CPXM2: variants seen among roughly 807,000 people sequenced by gnomAD.
The protein encoded by CPXM2 is carboxypeptidase X, M14 family member 2, also known as inactive carboxypeptidase-like protein X2.
CPXM2 carries 66 observed loss-of-function variants against 86.1 expected under a neutral mutation model. The observed-to-expected ratio is 0.77, with a 90% CI of 0.63 to 0.94. CPXM2 has a LOEUF of 0.94. CPXM2 is among the 40% of genes least tolerant of loss of function. The probability of loss-of-function intolerance (pLI) is 0.00; values close to 1 mark genes in which losing one functional copy is unlikely to be tolerated. For missense variants in CPXM2, 948 were observed against 1,026.3 expected (o/e 0.92, Z 1.04); for synonymous variants, 388 against 400.2 (o/e 0.97, Z 0.36).
chr10:123,841,711 GT>G (rs1436402671), intron 4 of CPXM2, among the ~76,000 whole-genome samples: 1 of 152,190 alleles, frequency 6.6e-6, no homozygotes, highest in Non-Finnish European at 1.5e-5. Flanking sequence ...TGAATAATAT[GT>G]TTCACTGTAT....
intron 4 of CPXM2, among the ~76,000 whole-genome samples, chr10:123,841,840 G>C (rs1350763441): frequency 6.6e-6 from 1 of 152,144 alleles, no homozygotes; most frequent in African/African-American, 2.4e-5. Context: ...TGAGAAATGA[G>C]ACCCCTTCTC....
chr10:123,826,554 C>T (rs1462804014), intron 4 of CPXM2, among the ~76,000 whole-genome samples: 2 of 151,992 alleles, frequency 1.3e-5, no homozygotes, highest in Admixed American at 1.3e-4. Context: ...CAAATTTAAC[C>T]ATTGTTCATA....
chr10:123,794,126 T>C lies in CPXM2; in HGVS notation c.889+3850A>G, dbSNP rs1364333153. Among the ~76,000 whole-genome samples, 3 of 152,338 alleles carry C rather than the reference T, an allele frequency of 2.0e-5. No individual in the cohort carries two copies. The South Asian group carries it at 6.2e-4, about 32-fold the overall frequency. On this transcript the variant is annotated intron_variant, in intron 6 of 13. Transcript: ENST00000241305. Reference sequence around the variant, plus strand: ...GGAGGACTGACTCCCAGGCACTGCCTTTTGGCGGCTCCTCTGTGCTTGAGG... The same window carrying C: ...GGAGGACTGACTCCCAGGCACTGCCCTTTGGCGGCTCCTCTGTGCTTGAGG...
At chr10:123,896,957 T>G (rs953679684), upstream of CPXM2, among the ~76,000 whole-genome samples, 4 of 152,150 alleles carry the variant, frequency 2.6e-5, no homozygotes, top group Non-Finnish European at 4.4e-5. Context: ...CCTTGTAAAT[T>G]TGTCCCCTTG....
At chr10:123,762,720 A>G (rs567543931) in intron 10 of CPXM2, among the ~76,000 whole-genome samples, 16 of 152,358 alleles carry the variant, frequency 1.1e-4, no homozygotes, top group African/African-American at 3.6e-4. Context: ...ATGAAATTCA[A>G]GAAAAAAAGA....
At chr10:123,772,878 T>TCC (rs376943541) in intron 7 of CPXM2, among the ~76,000 whole-genome samples, 13 of 146,668 alleles carry the variant, frequency 8.9e-5, no homozygotes, top group African/African-American at 3.3e-4. Context: ...TGGTCATCCC[T>TCC]CCTTCATTGT....
intron 4 of CPXM2, among the ~76,000 whole-genome samples, chr10:123,836,221 C>G (rs1848276900): frequency 6.6e-6 from 1 of 152,126 alleles, no homozygotes; most frequent in Admixed American, 6.5e-5. Context: ...TCCATCTCAG[C>G]CCCTTGAACC....
chr10:123,821,675 G>T (rs1239207675), intron 4 of CPXM2, among the ~76,000 whole-genome samples: 1 of 152,176 alleles, frequency 6.6e-6, no homozygotes, highest in Non-Finnish European at 1.5e-5. Flanking sequence ...TCCTCCAGGG[G>T]ACATTTGACA....
intron 2 of CPXM2, among the ~76,000 whole-genome samples, chr10:123,919,273 T>A (rs4021168): frequency 0.39 from 59,160 of 152,164 alleles, 12,984 homozygotes; most frequent in Middle Eastern, 0.55. Context: ...TTGTGGTCCA[T>A]TCCTAACCAG....
At chr10:123,939,302 G>C (rs535126109) in intron 2 of CPXM2, among the ~76,000 whole-genome samples, 9 of 152,142 alleles carry the variant, frequency 5.9e-5, no homozygotes, top group Non-Finnish European at 7.4e-5. Flanking sequence ...CTAGAAAAGC[G>C]GCACCAAGCG....
At chr10:123,890,559 A>G (rs879412853) in intron 1 of CPXM2, among the ~76,000 whole-genome samples, 1 of 152,242 alleles carries the variant, frequency 6.6e-6, no homozygotes, top group Non-Finnish European at 1.5e-5. Flanking sequence ...CCACTCTTGA[A>G]ATACCAGGCC....
At chr10:123,798,905 A>G (rs969313877) in intron 5 of CPXM2, among the ~76,000 whole-genome samples, 1 of 152,178 alleles carries the variant, frequency 6.6e-6, no homozygotes. Context: ...GGAGTAAATA[A>G]AGGCTGAATT....
chr10:123,780,075 T>G, intron 7 of CPXM2, 92 bp downstream of exon 7: 1 of 793,316 alleles, frequency 1.3e-6, no homozygotes, highest in Non-Finnish European at 2.2e-6. Flanking sequence ...AATCATCAAT[T>G]TCTGGAAAAA....
chr10:123,881,228 CTT>C (rs1945084008), intron 1 of CPXM2, among the ~76,000 whole-genome samples: 1 of 94,294 alleles, frequency 1.1e-5, no homozygotes. Context: ...CTGGAGCACC[CTT>C]CTCTTCCCTT....
chr10:123,765,249 C>T (rs1007804343), intron 10 of CPXM2, among the ~76,000 whole-genome samples: 1 of 152,152 alleles, frequency 6.6e-6, no homozygotes, highest in African/African-American at 2.4e-5. Flanking sequence ...ACCTGTTAGC[C>T]TTGTTATTCA....
chr10:123,937,465 AAAACAACAC>A (rs1434221862), intron 2 of CPXM2, among the ~76,000 whole-genome samples: 2,757 of 139,884 alleles, frequency 0.02, 33 homozygotes, highest in East Asian at 0.03. Context: ...ACAAGACAAC[AAAACAACAC>A]ACACACACAC....
At chr10:123,901,681 G>T (rs1945382711) in intron 2 of CPXM2, among the ~76,000 whole-genome samples, 1 of 152,082 alleles carries the variant, frequency 6.6e-6, no homozygotes. Flanking sequence ...ACAGTCAAGT[G>T]GCCATTTGCT....
chr10:123,896,628 C>T (rs1945340380), upstream of CPXM2, among the ~76,000 whole-genome samples: 1 of 152,244 alleles, frequency 6.6e-6, no homozygotes, highest in African/African-American at 2.4e-5. Context: ...ATTGCCTCCA[C>T]TCTGTGGTTT....
chr10:123,768,765 A>T, intron 8 of CPXM2, 43 bp from the exon 9 acceptor site: 1 of 1,556,682 alleles, frequency 6.4e-7, no homozygotes, highest in Non-Finnish European at 8.8e-7. Flanking sequence ...ACGTTGAAAC[A>T]CTTAGGGCCA....
Sources: allele counts gnomAD v4.1 joint callset (sites outside exome capture counted in the v4.1 genomes callset), GRCh38; gene constraint gnomAD v4.1.1; transcripts MANE v1.5; gene names NCBI Gene and HGNC (gene_info 2026-07-23, HGNC 2026-07-21).